Variants in DRC8 observed in about 807,000 individuals in gnomAD.
The protein encoded by DRC8 is dynein regulatory complex subunit 8, also known as dynein regulatory complex protein 8.
At chr1:245,121,539 A>G in the DRC8 span, among the ~76,000 whole-genome samples, 5 of 152,220 alleles carry the variant, frequency 3.3e-5, no homozygotes, top group South Asian at 8.3e-4. Context: ...ATCCCTAGCC[A>G]TGAAACAGTC....
the DRC8 span, among the ~76,000 whole-genome samples, chr1:244,995,639 G>C: frequency 6.6e-6 from 1 of 151,948 alleles, no homozygotes; most frequent in African/African-American, 2.4e-5. Flanking sequence ...ATGAGACACC[G>C]AGCCCACCCA....
chr1:244,981,638 T>A, the DRC8 span, among the ~76,000 whole-genome samples: 1 of 152,146 alleles, frequency 6.6e-6, no homozygotes, highest in Non-Finnish European at 1.5e-5. Flanking sequence ...AGCCATAAAC[T>A]GCAAGAAATA....
the DRC8 span, among the ~76,000 whole-genome samples, chr1:245,112,818 G>A: frequency 6.6e-6 from 1 of 151,214 alleles, no homozygotes; most frequent in African/African-American, 2.4e-5. Flanking sequence ...CAGTGGCACG[G>A]TCTTGGCTCA....
chr1:245,085,894 GAGT>G, the DRC8 span, among the ~76,000 whole-genome samples: 3 of 152,238 alleles, frequency 2.0e-5, no homozygotes, highest in South Asian at 4.1e-4. Flanking sequence ...GGGTCATGAT[GAGT>G]AACAGAGTGT....
At chr1:244,984,225 C>T in the DRC8 span, among the ~76,000 whole-genome samples, 1 of 152,018 alleles carries the variant, frequency 6.6e-6, no homozygotes, top group Non-Finnish European at 1.5e-5. Context: ...ACCTTGTGAT[C>T]CTTTTGTATT....
the DRC8 span, chr1:245,087,154 T>G: frequency 2.0e-6 from 3 of 1,525,452 alleles, no homozygotes; most frequent in Non-Finnish European, 2.6e-6. Context: ...TGTGGGAGCT[T>G]GTGGGGCTCC....
At chr1:245,055,960 A>G in the DRC8 span, among the ~76,000 whole-genome samples, 1 of 152,130 alleles carries the variant, frequency 6.6e-6, no homozygotes, top group Non-Finnish European at 1.5e-5. Context: ...GTGGCCATTT[A>G]CAGGTGTGTA....
the DRC8 span, among the ~76,000 whole-genome samples, chr1:245,050,311 G>A: frequency 3.3e-5 from 5 of 152,052 alleles, no homozygotes; most frequent in African/African-American, 1.2e-4. Flanking sequence ...TGCTGGCCAG[G>A]CTGGTCTCGA....
chr1:245,097,424 A>G, the DRC8 span, among the ~76,000 whole-genome samples: 1 of 152,074 alleles, frequency 6.6e-6, no homozygotes, highest in African/African-American at 2.4e-5. This position sits in a 1 kb window ranked among gnomAD's most constrained non-coding sequence, Gnocchi z 5.0. Context: ...AGGCTGAGGC[A>G]GGAGAATTGC....
chr1:245,049,798 A>AGCAGTC, the DRC8 span, among the ~76,000 whole-genome samples: 1 of 152,192 alleles, frequency 6.6e-6, no homozygotes, highest in Non-Finnish European at 1.5e-5. The surrounding 1 kb of genome is among the most constrained non-coding windows in gnomAD (Gnocchi z 4.5). Context: ...TGTGAGAGGC[A>AGCAGTC]GCAGTCGCAG....
At chr1:244,973,589 C>T in the DRC8 span, among the ~76,000 whole-genome samples, 2 of 152,158 alleles carry the variant, frequency 1.3e-5, no homozygotes, top group South Asian at 4.1e-4. Context: ...TCTGCTTTAC[C>T]GGTAAGATAC....
the DRC8 span, among the ~76,000 whole-genome samples, chr1:245,026,258 T>C: frequency 1.5e-4 from 23 of 152,316 alleles, 1 homozygote; most frequent in Admixed American, 6.5e-4. Flanking sequence ...TCGTTAGCAA[T>C]TGGCAGGAAC....
At chr1:245,039,057 C>T in the DRC8 span, among the ~76,000 whole-genome samples, 1 of 141,320 alleles carries the variant, frequency 7.1e-6, no homozygotes, top group Non-Finnish European at 1.5e-5. Flanking sequence ...TCTAGTATGC[C>T]ATTATTTTGA....
chr1:245,071,206 G>A, the DRC8 span, among the ~76,000 whole-genome samples: 8 of 152,236 alleles, frequency 5.3e-5, no homozygotes, highest in Admixed American at 6.5e-5. Flanking sequence ...AGTGGCTTTG[G>A]AACTGGGGGT....
At chr1:244,991,294 C>T in the DRC8 span, among the ~76,000 whole-genome samples, 2 of 152,240 alleles carry the variant, frequency 1.3e-5, no homozygotes, top group Non-Finnish European at 2.9e-5. Flanking sequence ...AGCTTCTGTT[C>T]TGTGGAGTTG....
the DRC8 span, among the ~76,000 whole-genome samples, chr1:244,993,522 C>T: frequency 1.3e-5 from 2 of 152,166 alleles, no homozygotes; most frequent in Non-Finnish European, 2.9e-5. Context: ...GTTACTTGCC[C>T]CTTACCACTC....
At chr1:244,979,947 G>A in the DRC8 span, among the ~76,000 whole-genome samples, 1 of 147,404 alleles carries the variant, frequency 6.8e-6, no homozygotes, top group African/African-American at 2.5e-5. Flanking sequence ...GCTCACGCCT[G>A]TAATCCCAGC....
chr1:245,021,598 T>C, the DRC8 span, among the ~76,000 whole-genome samples: 3 of 152,060 alleles, frequency 2.0e-5, no homozygotes, highest in African/African-American at 2.4e-5. Context: ...ACCACGCCCA[T>C]CTAATTTTTG....
At chr1:244,997,842 G>A in the DRC8 span, among the ~76,000 whole-genome samples, 4 of 152,060 alleles carry the variant, frequency 2.6e-5, no homozygotes, top group Admixed American at 1.3e-4. Flanking sequence ...ACTGTGTCTG[G>A]CCCTGAAATT....
Sources: gnomAD v4.1 joint callset for allele counts (sites outside exome capture counted in the v4.1 genomes callset) on GRCh38, gnomAD v4.1.1 for gene constraint, Gnocchi (gnomAD v3.1) non-coding constraint, MANE v1.5 for transcripts, NCBI Gene and HGNC (gene_info 2026-07-23, HGNC 2026-07-21) for gene names.